The following MEMO1 variants were observed in gnomAD, a reference collection of about 807,000 sequenced individuals.
MEMO1 encodes mediator of cell motility 1, also known as protein MEMO1.
A neutral mutation model predicts 45.2 loss-of-function variants in MEMO1; 6 were observed. The ratio of observed to expected loss-of-function variants is 0.13; its 90% CI spans 0.07 to 0.26. The LOEUF is 0.26. Ranked by LOEUF, MEMO1 falls within the 10% of genes least tolerant of loss-of-function variation. The pLI, the probability that MEMO1 is intolerant of heterozygous loss-of-function variation, is 1.00. For synonymous variants in MEMO1, 78 were observed against 124.3 expected, an observed-to-expected ratio of 0.63 and a Z score of 2.48; for missense variants, 184 against 370.5, an observed-to-expected ratio of 0.50 and a Z score of 4.13.
At chr2:31,984,657 T>A (rs1381264066) in intron 2 of MEMO1, among the ~76,000 whole-genome samples, 1 of 152,064 alleles carries the variant, frequency 6.6e-6, no homozygotes, top group Admixed American at 6.6e-5. Context: ...AACAAAAAAA[T>A]TAGCGAGGCG....
At chr2:31,969,703 G>A (rs1669152252) in intron 2 of MEMO1, among the ~76,000 whole-genome samples, 1 of 146,138 alleles carries the variant, frequency 6.8e-6, no homozygotes, top group African/African-American at 2.5e-5. Context: ...TCAAACTCCT[G>A]GAAACAAGCA....
chr2:31,967,157 T>C (rs1668728513), intron 2 of MEMO1, among the ~76,000 whole-genome samples: 1 of 151,764 alleles, frequency 6.6e-6, no homozygotes, highest in South Asian at 2.1e-4. Flanking sequence ...GGAGTCTCGC[T>C]TTGTTGCCCA....
At chr2:32,001,998 T>A (rs937543895) in intron 2 of MEMO1, among the ~76,000 whole-genome samples, 3 of 151,294 alleles carry the variant, frequency 2.0e-5, no homozygotes, top group Non-Finnish European at 4.4e-5. Flanking sequence ...TACAAAAAAT[T>A]AGCCGAGTGT....
chr2:31,882,257 G>T (rs748129405), intron 8 of MEMO1, among the ~76,000 whole-genome samples: 1 of 152,104 alleles, frequency 6.6e-6, no homozygotes, highest in Non-Finnish European at 1.5e-5. Flanking sequence ...ATTCCAGGTT[G>T]CAGGGAGCTA....
intron 2 of MEMO1, among the ~76,000 whole-genome samples, chr2:31,977,562 G>A (rs1173190753): frequency 2.0e-5 from 3 of 151,984 alleles, no homozygotes; most frequent in Admixed American, 6.6e-5. Flanking sequence ...CACCCAGGCT[G>A]GAGTACAGTG....
intron 2 of MEMO1, among the ~76,000 whole-genome samples, chr2:31,950,695 T>C (rs1666748337): frequency 6.8e-6 from 1 of 148,054 alleles, no homozygotes; most frequent in South Asian, 2.1e-4. Context: ...TACTCCAGCC[T>C]GGGTGACACA....
chr2:31,985,240 C>T (rs958119086), intron 2 of MEMO1, among the ~76,000 whole-genome samples: 13 of 152,096 alleles, frequency 8.5e-5, no homozygotes, highest in African/African-American at 2.9e-4. Flanking sequence ...AATCTATAAA[C>T]GCTGAAAGTG....
At chr2:31,902,126 A>T (rs771433185) in intron 6 of MEMO1, among the ~76,000 whole-genome samples, 33 of 151,802 alleles carry the variant, frequency 2.2e-4, no homozygotes, top group Non-Finnish European at 4.4e-4. Flanking sequence ...TTAAAAACAA[A>T]TTTTTTTAGA....
chr2:32,000,945 G>A (rs980050705), intron 2 of MEMO1, among the ~76,000 whole-genome samples: 2 of 151,540 alleles, frequency 1.3e-5, no homozygotes, highest in Non-Finnish European at 2.9e-5. Flanking sequence ...CCCATCAGCA[G>A]TGCCTTTCAC....
At chr2:31,953,686 A>G (rs1667101542) in intron 2 of MEMO1, among the ~76,000 whole-genome samples, 1 of 151,958 alleles carries the variant, frequency 6.6e-6, no homozygotes, top group South Asian at 2.1e-4. Context: ...TGAACTCCTG[A>G]CCTCAAATGA....
chr2:31,923,645 C>A, intron 4 of MEMO1: 2 of 1,546,564 alleles, frequency 1.3e-6, no homozygotes, highest in South Asian at 2.4e-5. Context: ...AACCAAGAAT[C>A]AAATAATGAG....
chr2:31,952,591 CT>C (rs1449048422), intron 2 of MEMO1, among the ~76,000 whole-genome samples: 10 of 152,208 alleles, frequency 6.6e-5, no homozygotes, highest in African/African-American at 2.2e-4. Context: ...CTTCCCACCC[CT>C]ATTCACTGTT....
At position 31,868,402 on chromosome 2, in the gene MEMO1, T is replaced by A. The variant is rs1558463983; in HGVS notation, c.853A>T (p.Ser285Cys). 1 of 1,589,390 alleles carries A rather than the reference T, an allele frequency of 6.3e-7. No individual in the cohort carries two copies. The highest frequency in any genetic ancestry group is 8.5e-7 in the Non-Finnish European group (1 of 1,169,938). The change falls in exon 10 of 10, where the codon AGT (serine) becomes TGT (cysteine). Residue 285 changes from serine (S) to cysteine (C), a missense_variant. Coordinates refer to ENST00000404530, the MANE Select transcript of MEMO1 (RefSeq NM_001301833.4). ...QSSQCRNWQD[S>C]SVSYAAGALT... is the part of the protein sequence containing the mutation. ...GCTCCAGCTGCATAACTCACTGAAC[T>A]GTCTTGCCAGTTTCTACACTGGCTC...
intron 2 of MEMO1, among the ~76,000 whole-genome samples, chr2:31,961,181 A>AT (rs1249209416): frequency 6.7e-6 from 1 of 149,562 alleles, no homozygotes; most frequent in African/African-American, 2.5e-5. Flanking sequence ...AACATGGGGA[A>AT]TCCCCCTCTC....
chr2:31,980,467 T>A (rs770707026), intron 2 of MEMO1, among the ~76,000 whole-genome samples: 4 of 152,278 alleles, frequency 2.6e-5, no homozygotes, highest in African/African-American at 7.2e-5. Context: ...AGATTTTTTT[T>A]ATTTTTAAGT....
chr2:31,900,304 G>C lies in MEMO1; in HGVS notation c.438-8170C>G, dbSNP rs1160696924. On this transcript the variant is annotated intron_variant, in intron 6 of 9. Coordinates refer to ENST00000404530, the MANE Select transcript of MEMO1 (RefSeq NM_001301833.4). ...CCAAATGTCCATCAATGATAGACTG[G>C]ATTAAGAAAATGAGGCACCTATATA... 2.6e-5 allele frequency among the ~76,000 whole-genome samples: 4 copies of C among 152,264 alleles called. No homozygotes were observed. The East Asian group carries it at 5.8e-4, about 22-fold the overall frequency.
At chr2:31,972,978 G>A (rs1472526165) in intron 2 of MEMO1, among the ~76,000 whole-genome samples, 1 of 152,106 alleles carries the variant, frequency 6.6e-6, no homozygotes, top group African/African-American at 2.4e-5. Flanking sequence ...CTACTAGGAT[G>A]GCTATTTTTA....
At position 31,891,955 on chromosome 2, in the gene MEMO1, T is replaced by A. The variant is rs745476252; in HGVS notation, c.580+37A>T. 6.3e-6 allele frequency: 10 copies of A among 1,581,488 alleles called. No homozygotes were observed. The African/African-American group carries it at 1.1e-4, about 17-fold the overall frequency. On this transcript the variant is annotated intron_variant, in intron 7 of 9. Transcript: ENST00000404530. ...AAAGATACCTTTAACCAGAAGTATA[T>A]AACATCTACCATGATATGTTAAAAT...
At chr2:31,869,432 T>G (rs1227210623) in intron 9 of MEMO1, among the ~76,000 whole-genome samples, 1 of 152,178 alleles carries the variant, frequency 6.6e-6, no homozygotes, top group Non-Finnish European at 1.5e-5. Flanking sequence ...ACACATCATC[T>G]GTCTTGCTTT....
Sources: gnomAD v4.1 joint callset for allele counts (sites outside exome capture counted in the v4.1 genomes callset) on GRCh38, gnomAD v4.1.1 for gene constraint, MANE v1.5 for transcripts, NCBI Gene and HGNC (gene_info 2026-07-23, HGNC 2026-07-21) for gene names.